The following ATXN7 variants were observed in gnomAD, a reference collection of about 807,000 sequenced individuals.
The protein encoded by ATXN7 is ataxin 7, also known as ataxin-7.
ATXN7 carries 12 observed loss-of-function variants against 70.5 expected under a neutral mutation model. The ratio of observed to expected loss-of-function variants is 0.17; its 90% CI spans 0.11 to 0.28. The LOEUF (loss-of-function observed/expected upper bound fraction) is 0.28. ATXN7 is among the 10% of genes least tolerant of loss of function. The pLI is 1.00. For synonymous variants in ATXN7, 498 were observed against 448.7 expected, an observed-to-expected ratio of 1.11 and a Z score of -1.39; for missense variants, 1,256 against 1,131.7, an observed-to-expected ratio of 1.11 and a Z score of -1.58.
At chr3:63,981,560 G>A (rs1406771381) in intron 6 of ATXN7, among the ~76,000 whole-genome samples, 1 of 152,190 alleles carries the variant, frequency 6.6e-6, no homozygotes, top group Admixed American at 6.5e-5. Flanking sequence ...CTTTGTTAAT[G>A]GCACAGGTAT....
intron 12 of ATXN7, chr3:63,998,608 A>G: frequency 1.0e-6 from 1 of 985,418 alleles, no homozygotes; most frequent in South Asian, 4.7e-5. Flanking sequence ...TTCTCTGTGC[A>G]GAGGAATACT....
chr3:63,952,275 G>C (rs1265496359), intron 4 of ATXN7, 104 bp from the exon 5 acceptor site: 2 of 688,538 alleles, frequency 2.9e-6, no homozygotes, highest in East Asian at 5.7e-5. Flanking sequence ...ATTTGTCCTG[G>C]TATACTTTAC....
chr3:63,925,712 A>G (rs992720414), intron 4 of ATXN7, among the ~76,000 whole-genome samples: 2 of 152,168 alleles, frequency 1.3e-5, no homozygotes, highest in African/African-American at 4.8e-5. Context: ...AAAATCAGAA[A>G]TCTCAGCAAC....
At chr3:63,906,632 T>C (rs1249572001) in intron 2 of ATXN7, among the ~76,000 whole-genome samples, 1 of 152,192 alleles carries the variant, frequency 6.6e-6, no homozygotes, top group Non-Finnish European at 1.5e-5. Context: ...TGTATGTGCT[T>C]AGTGAGAGGG....
intron 1 of ATXN7, among the ~76,000 whole-genome samples, chr3:63,879,387 C>T (rs914139962): frequency 2.0e-5 from 3 of 151,642 alleles, no homozygotes; most frequent in Admixed American, 6.6e-5. Flanking sequence ...AAATATAAAA[C>T]TTGTACTTTT....
chr3:63,867,687 A>G (rs1019090420), intron 1 of ATXN7, among the ~76,000 whole-genome samples: 1 of 152,102 alleles, frequency 6.6e-6, no homozygotes, highest in African/African-American at 2.4e-5. Context: ...CAGAAATTCA[A>G]GAGCAGCCTG....
chr3:63,965,581 G>T (rs2075207985), intron 5 of ATXN7, among the ~76,000 whole-genome samples: 4 of 152,250 alleles, frequency 2.6e-5, no homozygotes, highest in Non-Finnish European at 5.9e-5. Flanking sequence ...TTAGTCTGTA[G>T]TATTTTTTTA....
intron 5 of ATXN7, chr3:63,968,051 G>GA: frequency 8.1e-7 from 1 of 1,231,696 alleles, no homozygotes; most frequent in Non-Finnish European, 1.1e-6. Context: ...TGGACGGTGG[G>GA]GTAGGTCTTT....
rs781086222 is a variant in ATXN7, at chr3:63,990,211, C to T, written c.1397C>T (p.Ala466Val). 17 of 1,613,536 alleles carry T rather than the reference C, an allele frequency of 1.1e-5. No homozygotes were observed. Among genetic ancestry groups the T allele is most frequent in the Non-Finnish European group, 1.4e-5 (17 of 1,180,012 alleles). The change falls in exon 10 of 13, where the codon GCC (alanine) becomes GTC (valine). Residue 466 changes from alanine (A) to valine (V), a missense_variant. Transcript: ENST00000674280. ...PGCPAQQGGSAPIDPPPVHES... is the reference protein window; with the variant it reads ...PGCPAQQGGSVPIDPPPVHES... ...TGCCCTGCTCAGCAAGGTGGGAGTG[C>T]CCCCATTGACCCTCCTCCAGTCCAT...
At position 63,864,076 on chromosome 3, in the gene ATXN7, A is replaced by G. The variant is rs1702325490; in HGVS notation, c.-193A>G. On this transcript the variant is annotated 5_prime_UTR_variant, in exon 1 of 13. Coordinates refer to ENST00000674280, the MANE Select transcript of ATXN7 (RefSeq NM_001377405.1). The stretch of plus-strand genomic sequence containing the variant: ...GGCGGCCGGCGGCGGCCCCGGCTGC[A>G]GCCCGGGCTCCCGCCGCCCCCCTTG... 6.9e-6 allele frequency among the ~76,000 whole-genome samples: 1 copy of G among 145,322 alleles called. No homozygotes were observed. The highest frequency in any genetic ancestry group is 6.8e-5 in the Admixed American group (1 of 14,676).
Position 63,912,782 on chromosome 3 carries a change from G to A in ATXN7, c.184G>A (p.Asp62Asn), listed in dbSNP as rs1187973227. Residue 62 changes from aspartate (D) to asparagine (N), a missense_variant, in exon 3 of 13, where the codon GAC becomes AAC. Asp to Asn is a conservative substitution (Grantham distance 23, BLOSUM62 1). Transcript: ENST00000674280. Reference sequence around the variant, plus strand: ...GCCGCCACGGCGCACACGGCCGGAGGACGGCGGGCCCGGCGCCGCCTCCAC... The same window carrying A: ...GCCGCCACGGCGCACACGGCCGGAGAACGGCGGGCCCGGCGCCGCCTCCAC... The part of the protein sequence containing the change: ...PPPPRRTRPE[D>N]GGPGAASTSA... 2 of 1,516,478 alleles carry A rather than the reference G, an allele frequency of 1.3e-6. No individual in the cohort carries two copies. Among genetic ancestry groups the A allele is most frequent in the South Asian group, 1.2e-5 (1 of 80,478 alleles). The allele number at this position is 1,516,478 out of a possible 1,614,324, so 93.9% of individuals were successfully genotyped here. A position where few individuals can be genotyped will look rare whatever the true frequency, so the allele number is the denominator to read the frequency against.
intron 12 of ATXN7, chr3:63,997,505 A>G: frequency 1.2e-6 from 1 of 817,166 alleles, no homozygotes; most frequent in Non-Finnish European, 2.0e-6. Context: ...CTTAGGCTGT[A>G]TTTTTGTCTC....
At chr3:63,889,894 A>T (rs1351686116) in intron 1 of ATXN7, among the ~76,000 whole-genome samples, 1 of 152,230 alleles carries the variant, frequency 6.6e-6, no homozygotes, top group Non-Finnish European at 1.5e-5. Flanking sequence ...CAGTTGGGAA[A>T]ATATTCCTGG....
At position 63,935,501 on chromosome 3, in the gene ATXN7, G is replaced by A. The variant is rs116731118; in HGVS notation, c.395-16878G>A. On this transcript the variant is annotated intron_variant, in intron 4 of 12. Coordinates refer to ENST00000674280, the MANE Select transcript of ATXN7 (RefSeq NM_001377405.1). Reference sequence around the variant, plus strand: ...GATGGCAGCTTTGACATTAAGGAATGTGGTATTTCTGTGAATATCTGGGCT... The same window carrying A: ...GATGGCAGCTTTGACATTAAGGAATATGGTATTTCTGTGAATATCTGGGCT... Among the ~76,000 whole-genome samples, 233 of 152,292 alleles carry A rather than the reference G, an allele frequency of 1.5e-3. 2 individuals are homozygous for A. Among genetic ancestry groups the A allele is most frequent in the African/African-American group, 5.5e-3 (227 of 41,560 alleles).
At chr3:63,929,989 C>G (rs1225634696) in intron 4 of ATXN7, among the ~76,000 whole-genome samples, 3 of 152,128 alleles carry the variant, frequency 2.0e-5, no homozygotes, top group African/African-American at 7.2e-5. Context: ...GAGAGGCTCC[C>G]CGATCCATCC....
Position 63,983,015 on chromosome 3 carries a change from A to T in ATXN7, c.1089A>T (p.Thr363=). 6.2e-7 allele frequency: 1 copy of T among 1,613,738 alleles called. No homozygotes were observed. Among genetic ancestry groups the T allele is most frequent in the Non-Finnish European group, 8.5e-7 (1 of 1,179,710 alleles). The part of the protein sequence containing the change: ...DTKKPCTRSL[T]CKTHSLTQRR... Reference sequence around the variant, plus strand: ...AGAAGCCCTGCACCCGGTCTTTGACATGCAAGGTAGGTGGACTCCTGAAAG... The same window carrying T: ...AGAAGCCCTGCACCCGGTCTTTGACTTGCAAGGTAGGTGGACTCCTGAAAG... Residue 363 remains threonine (T), a synonymous_variant, in exon 8 of 13, where the codon ACA becomes ACT. Transcript: ENST00000674280.
At chr3:63,972,308 A>G (rs889777862) in intron 5 of ATXN7, among the ~76,000 whole-genome samples, 3 of 152,194 alleles carry the variant, frequency 2.0e-5, no homozygotes, top group Admixed American at 1.3e-4. Flanking sequence ...TATAACCTTC[A>G]TTATTGAAAG....
chr3:63,923,602 T>G (rs1021666743), intron 4 of ATXN7, among the ~76,000 whole-genome samples: 2 of 151,406 alleles, frequency 1.3e-5, no homozygotes, highest in African/African-American at 4.9e-5. Flanking sequence ...AGTTTAGGAG[T>G]TTGAGACCAG....
At chr3:63,933,174 G>C (rs1238755458) in intron 4 of ATXN7, among the ~76,000 whole-genome samples, 1 of 152,200 alleles carries the variant, frequency 6.6e-6, no homozygotes, top group Non-Finnish European at 1.5e-5. Flanking sequence ...CTAGATGACA[G>C]AGAAGTATGT....
Sources: gnomAD v4.1 joint callset for allele counts (sites outside exome capture counted in the v4.1 genomes callset) on GRCh38, gnomAD v4.1.1 for gene constraint, MANE v1.5 for transcripts, NCBI Gene and HGNC (gene_info 2026-07-23, HGNC 2026-07-21) for gene names.